TMEM132D: variants seen among roughly 807,000 people sequenced by gnomAD.
The protein encoded by TMEM132D is mature OL transmembrane protein.
In TMEM132D, 21 loss-of-function variants were observed where a neutral mutation model predicts 62.3. The ratio of observed to expected loss-of-function variants is 0.34; its 90% CI spans 0.24 to 0.49. The LOEUF (loss-of-function observed/expected upper bound fraction) is 0.49, where lower values mean the gene tolerates loss of function less well. Ranked by LOEUF, TMEM132D falls within the 20% of genes least tolerant of loss-of-function variation. TMEM132D has a pLI of 0.99. For missense variants in TMEM132D, 1,346 were observed against 1,402.8 expected (o/e 0.96, Z 0.65); for synonymous variants, 621 against 575.6 (o/e 1.08, Z -1.13).
chr12:129,174,900 C>T (rs1330319680), intron 5 of TMEM132D, among the ~76,000 whole-genome samples: 1 of 152,100 alleles, frequency 6.6e-6, no homozygotes, highest in Admixed American at 6.5e-5. Context: ...CTGTTCATGT[C>T]CTTTGCCCAT....
chr12:129,259,683 T>A (rs1295687032), intron 4 of TMEM132D, among the ~76,000 whole-genome samples: 1 of 151,738 alleles, frequency 6.6e-6, no homozygotes, highest in Admixed American at 6.6e-5. Flanking sequence ...AAAATGGAGG[T>A]CATACAGACT....
chr12:129,811,295 G>A (rs1420376382), intron 1 of TMEM132D, among the ~76,000 whole-genome samples: 2 of 151,522 alleles, frequency 1.3e-5, no homozygotes, highest in East Asian at 2.0e-4. Flanking sequence ...GGGTGGGCTC[G>A]GTCCTGCCTC....
At chr12:129,626,259 CTTGT>C (rs1378059558) in intron 2 of TMEM132D, among the ~76,000 whole-genome samples, 2 of 152,156 alleles carry the variant, frequency 1.3e-5, no homozygotes, top group African/African-American at 4.8e-5. Flanking sequence ...TTAATGCTAA[CTTGT>C]TTGTTTTTGT....
chr12:129,642,249 T>A (rs764319930), intron 2 of TMEM132D, among the ~76,000 whole-genome samples: 7 of 152,208 alleles, frequency 4.6e-5, no homozygotes, highest in Non-Finnish European at 1.0e-4. Flanking sequence ...AAAATACTCC[T>A]AAATTCCACT....
intron 4 of TMEM132D, among the ~76,000 whole-genome samples, chr12:129,285,526 C>CAAAAAAAAAAAAAA (rs1555244565): frequency 0.025 from 1,010 of 40,798 alleles, 224 homozygotes; most frequent in African/African-American, 0.041. Flanking sequence ...GACTGTGTCT[C>CAAAAAAAAAAAAAA]AAAAAAAAAA....
At position 129,700,562 on chromosome 12, in the gene TMEM132D, G is replaced by A. The variant is rs577062420; in HGVS notation, c.216C>T (p.Asn72=). Residue 72 remains asparagine (N), a synonymous_variant, in exon 2 of 9, where the codon AAC becomes AAT. Transcript: ENST00000422113. ...ACTCCACCCGGGACTGCAGGCTGGA[G>A]TTCCTCATGATATCCTGGTTGGCCT... ...LKEANQDIMR[N]SSLQSRVESF... is the part of the protein sequence containing the mutation. The A allele has an allele frequency of 6.2e-7, 1 of 1,614,068 alleles. No individual in the cohort carries two copies. Among genetic ancestry groups the A allele is most frequent in the African/African-American group, 1.3e-5 (1 of 75,010 alleles).
intron 2 of TMEM132D, among the ~76,000 whole-genome samples, chr12:129,668,376 T>C (rs537490216): frequency 4.7e-4 from 71 of 151,588 alleles, no homozygotes; most frequent in African/African-American, 1.6e-3. Context: ...GTAGCTTAAA[T>C]AGTGGCTATA....
chr12:129,361,358 T>C (rs1447363707), intron 3 of TMEM132D, among the ~76,000 whole-genome samples: 1 of 152,170 alleles, frequency 6.6e-6, no homozygotes, highest in Non-Finnish European at 1.5e-5. Context: ...TGGCTACTGC[T>C]TACTGCAGAT....
chr12:129,501,662 G>A (rs545768433), intron 3 of TMEM132D, among the ~76,000 whole-genome samples: 12 of 151,994 alleles, frequency 7.9e-5, no homozygotes, highest in South Asian at 6.2e-4. Flanking sequence ...ACACCATCAC[G>A]CCTGGCCAAC....
At chr12:129,809,307 CA>C (rs34039590) in intron 1 of TMEM132D, among the ~76,000 whole-genome samples, 34,541 of 137,760 alleles carry the variant, frequency 0.25, 4,182 homozygotes, top group South Asian at 0.35. Flanking sequence ...GACTCCATAT[CA>C]AAAAAAAAAA....
chr12:129,607,055 C>T (rs988014926), intron 2 of TMEM132D, among the ~76,000 whole-genome samples: 1 of 146,072 alleles, frequency 6.8e-6, no homozygotes, highest in East Asian at 2.1e-4. Flanking sequence ...GTTTCTTTTT[C>T]TTTCTTTCTT....
chr12:129,475,961 G>A lies in TMEM132D; in HGVS notation c.1115+55098C>T, dbSNP rs76812403. Among the ~76,000 whole-genome samples the A allele has an allele frequency of 3.9e-3, 589 of 152,294 alleles. 17 individuals are homozygous for A. The East Asian group carries it at 0.061, about 16-fold the overall frequency. On this transcript the variant is annotated intron_variant, in intron 3 of 8. Coordinates refer to ENST00000422113, the MANE Select transcript of TMEM132D (RefSeq NM_133448.3). ...TGCAGAAATACTTCCTATTTATATAGAGAATGGAGTCAAGTTTTATGCTCA... is the reference window on the plus strand; with the variant it reads ...TGCAGAAATACTTCCTATTTATATAAAGAATGGAGTCAAGTTTTATGCTCA...
chr12:129,653,792 G>T (rs527688119), intron 2 of TMEM132D, among the ~76,000 whole-genome samples: 1 of 152,294 alleles, frequency 6.6e-6, no homozygotes, highest in African/African-American at 2.4e-5. Context: ...TCTTCTTTTA[G>T]ATCTTACGTG....
intron 3 of TMEM132D, among the ~76,000 whole-genome samples, chr12:129,344,665 C>T (rs956389567): frequency 3.9e-5 from 6 of 152,066 alleles, no homozygotes; most frequent in African/African-American, 4.8e-5. Flanking sequence ...GGTTTGGCAC[C>T]GCAGGCTCTG....
chr12:129,735,031 C>A (rs552060000), intron 1 of TMEM132D, among the ~76,000 whole-genome samples: 3 of 151,214 alleles, frequency 2.0e-5, no homozygotes, highest in African/African-American at 7.3e-5. Context: ...TACAGTACGA[C>A]GACAAAAAGA....
At chr12:129,606,976 AT>A (rs1878643465) in intron 2 of TMEM132D, among the ~76,000 whole-genome samples, 1 of 152,094 alleles carries the variant, frequency 6.6e-6, no homozygotes, top group Non-Finnish European at 1.5e-5. Context: ...CTTTTCTGCA[AT>A]TGTTACTTTC....
intron 4 of TMEM132D, among the ~76,000 whole-genome samples, chr12:129,244,583 G>A (rs974501999): frequency 3.3e-5 from 5 of 151,992 alleles, no homozygotes; most frequent in African/African-American, 4.8e-5. Context: ...AAACCCATCC[G>A]ACTAAGTGGT....
At chr12:129,674,765 T>C (rs1257339444) in intron 2 of TMEM132D, among the ~76,000 whole-genome samples, 1 of 152,102 alleles carries the variant, frequency 6.6e-6, no homozygotes, top group Admixed American at 6.5e-5. Flanking sequence ...GGTCTCGAAC[T>C]CCTGACCTCA....
chr12:129,207,519 A>T (rs1017521409), intron 5 of TMEM132D, among the ~76,000 whole-genome samples: 2 of 152,118 alleles, frequency 1.3e-5, no homozygotes, highest in Non-Finnish European at 2.9e-5. Flanking sequence ...GGCCTTGGGG[A>T]GAAGATGAGG....
Sources: allele counts gnomAD v4.1 joint callset (sites outside exome capture counted in the v4.1 genomes callset), GRCh38; gene constraint gnomAD v4.1.1; transcripts MANE v1.5; gene names NCBI Gene and HGNC (gene_info 2026-07-23, HGNC 2026-07-21).